EDEM3: variants seen among roughly 807,000 people sequenced by gnomAD.
EDEM3 encodes the protein ER degradation-enhancing alpha-mannosidase-like protein 3.
In EDEM3, 60 loss-of-function variants were observed where a neutral mutation model predicts 110.2. That is an observed-to-expected ratio of 0.54 (90% CI 0.44 to 0.67). EDEM3 has a LOEUF of 0.67. EDEM3 is among the 30% of genes least tolerant of loss of function. The pLI, the probability that EDEM3 is intolerant of heterozygous loss-of-function variation, is 0.00. For missense variants in EDEM3, 996 were observed against 1,121.0 expected (o/e 0.89, Z 1.59); for synonymous variants, 352 against 382.9 (o/e 0.92, Z 0.94).
At chr1:184,729,660 G>A (rs542402421) in intron 6 of EDEM3, among the ~76,000 whole-genome samples, 19 of 152,054 alleles carry the variant, frequency 1.2e-4, no homozygotes, top group African/African-American at 4.6e-4. Context: ...AATTTTCATG[G>A]GCAAAAGCAT....
intron 19 of EDEM3, among the ~76,000 whole-genome samples, chr1:184,698,772 CAG>C (rs566389281): frequency 6.6e-6 from 1 of 151,120 alleles, no homozygotes; most frequent in Non-Finnish European, 1.5e-5. Flanking sequence ...TGTAGAGAAG[CAG>C]AGAGAGAGAC....
intron 13 of EDEM3, among the ~76,000 whole-genome samples, chr1:184,715,564 G>C (rs1371785947): frequency 6.6e-6 from 1 of 152,102 alleles, no homozygotes; most frequent in Non-Finnish European, 1.5e-5. Context: ...TCATTGTCAA[G>C]AGCCAATCTG....
intron 2 of EDEM3, among the ~76,000 whole-genome samples, chr1:184,737,941 T>C (rs1227565500): frequency 6.6e-6 from 1 of 152,010 alleles, no homozygotes; most frequent in African/African-American, 2.4e-5. Flanking sequence ...CTGCTTCCCC[T>C]CCCCTCCCCA....
At position 184,706,808 on chromosome 1, in the gene EDEM3, T is replaced by C. The variant is rs772301942; in HGVS notation, c.2038A>G (p.Thr680Ala). 2.5e-6 allele frequency: 4 copies of C among 1,612,750 alleles called. No individual in the cohort carries two copies. Among genetic ancestry groups the C allele is most frequent in the Non-Finnish European group, 3.4e-6 (4 of 1,179,324 alleles). The change falls in exon 18 of 20, where the codon ACA becomes GCA. Residue 680 changes from threonine to alanine, a missense_variant and splice_region_variant. Physicochemically the swap from Thr to Ala is moderately conservative, Grantham distance 58 (BLOSUM62 0). Around this residue, in one of 5 missense-constraint regions of EDEM3, gnomAD observed 345 missense variants for 402.0 expected, o/e 0.86. Transcript: ENST00000318130. ...TTACTGCTTGCAACAAATCCTCTTG[T>C]CTGTCAGAAATAAAAGCAACTTAAA... ...FGLDLSKHKE[T>A]RGFVASSKPS... is the part of the protein sequence containing the mutation.
Position 184,711,823 on chromosome 1 carries a change from TA to T in EDEM3, c.1590del (p.Asn530LysfsTer20). On this transcript the variant is annotated frameshift_variant, in exon 15 of 20. Transcript: ENST00000318130. LOFTEE classifies it high-confidence loss of function. ...DDSNFDWTCP[N>X]TQILFPNDPL... is the part of the protein sequence containing the mutation. ...GGGTCATTAGGAAAGAGGATCTGAG[TA>T]TTTGGACAAGTCCAATCGAAGTTAC... 6.2e-7 allele frequency: 1 copy of T among 1,613,486 alleles called. No individual in the cohort carries two copies. Among genetic ancestry groups the T allele is most frequent in the Non-Finnish European group, 8.5e-7 (1 of 1,179,590 alleles).
chr1:184,694,374 C>T lies in EDEM3; in HGVS notation c.2488G>A (p.Val830Ile). Reference sequence around the variant, plus strand: ...TTTTCCTCAGAAGACTCTTGATCAACCAAATCAACCTCCTGAGAACTTGAT... The same window carrying T: ...TTTTCCTCAGAAGACTCTTGATCAATCAAATCAACCTCCTGAGAACTTGAT... ...ISSSSQEVDL[V>I]DQESSEENSL... The change falls in exon 20 of 20, where the codon GTT (valine) becomes ATT (isoleucine). Residue 830 changes from valine to isoleucine, a missense_variant. Physicochemically the swap from Val to Ile is conservative, Grantham distance 29. Transcript: ENST00000318130. 6.2e-7 allele frequency: 1 copy of T among 1,612,524 alleles called. No homozygotes were observed. The highest frequency in any genetic ancestry group is 8.5e-7 in the Non-Finnish European group (1 of 1,179,508).
At chr1:184,708,693 C>T (rs2102069207) in intron 16 of EDEM3, among the ~76,000 whole-genome samples, 1 of 152,374 alleles carries the variant, frequency 6.6e-6, no homozygotes, top group East Asian at 1.9e-4. Context: ...CTGACCCACA[C>T]TTTCCCTCCT....
chr1:184,703,124 T>C (rs912089505), intron 18 of EDEM3, 128 bp from the exon 19 acceptor site: 4 of 775,344 alleles, frequency 5.2e-6, no homozygotes, highest in Non-Finnish European at 7.5e-6. Context: ...AAAACCAACA[T>C]AATTTTTGGA....
chr1:184,718,462 C>G (rs902694987), intron 11 of EDEM3, among the ~76,000 whole-genome samples: 1 of 152,110 alleles, frequency 6.6e-6, no homozygotes, highest in Non-Finnish European at 1.5e-5. Flanking sequence ...TAAAACTATA[C>G]TTTCCAAAAC....
rs759333973 is a variant in EDEM3, at chr1:184,726,293, C to A, written c.709G>T (p.Ala237Ser). 1 of 1,613,812 alleles carries A rather than the reference C, an allele frequency of 6.2e-7. No homozygotes were observed. The highest frequency in any genetic ancestry group is 8.5e-7 in the Non-Finnish European group (1 of 1,179,834). The change falls in exon 7 of 20, where the codon GCT becomes TCT. Residue 237 changes from alanine (A) to serine (S), a missense_variant. Coordinates refer to ENST00000318130, the MANE Select transcript of EDEM3 (RefSeq NM_025191.4). ...ACAGTLILEFAALSRFTGATI... is the reference protein window; with the variant it reads ...ACAGTLILEFSALSRFTGATI... ...GCTCCTGTGAATCGACTTAAAGCAG[C>A]AAATTCAAGGATCAAGGTACCTGCA... is the stretch of plus-strand genomic sequence containing the variant.
At position 184,754,623 on chromosome 1, in the gene EDEM3, G is replaced by GC; in HGVS notation, c.23dup (p.Cys9LeufsTer38). On this transcript the variant is annotated frameshift_variant, in exon 1 of 20. Transcript: ENST00000318130. LOFTEE classifies it high-confidence loss of function. ...CTCGCTGGGGAACCGGGGACCCACAGCCCCGGCCGCCGGCTTCGCTCATGG... is the reference window on the plus strand; with the variant it reads ...CTCGCTGGGGAACCGGGGACCCACAGCCCCCGGCCGCCGGCTTCGCTCATGG... 6.3e-7 allele frequency: 1 copy of GC among 1,593,342 alleles called. No homozygotes were observed. Among genetic ancestry groups the GC allele is most frequent in the Admixed American group, 1.8e-5 (1 of 56,740 alleles).
rs1275197223 is a variant in EDEM3 at position 184,694,114 on chromosome 1, G to A, written c.2748C>T (p.Asp916=). The A allele has an allele frequency of 6.2e-7, 1 of 1,613,196 alleles. No homozygotes were observed. Among genetic ancestry groups the A allele is most frequent in the Non-Finnish European group, 8.5e-7 (1 of 1,179,526 alleles). ...KVQPIDSILA[D]WNEDIEAFEM... ...CAAATGCTTCTATATCTTCATTCCA[G>A]TCTGCTAATATGGAGTCTATAGGCT... Residue 916 remains aspartate (D), a synonymous_variant, in exon 20 of 20, where the codon GAC becomes GAT. Coordinates refer to ENST00000318130, the MANE Select transcript of EDEM3 (RefSeq NM_025191.4).
intron 1 of EDEM3, among the ~76,000 whole-genome samples, chr1:184,749,813 T>A (rs1477425684): frequency 1.3e-5 from 2 of 152,162 alleles, no homozygotes; most frequent in Non-Finnish European, 2.9e-5. Flanking sequence ...CTTTAATGAT[T>A]ACTAGTAATT....
intron 13 of EDEM3, among the ~76,000 whole-genome samples, chr1:184,713,845 G>C (rs1202691821): frequency 6.6e-6 from 1 of 152,150 alleles, no homozygotes; most frequent in Non-Finnish European, 1.5e-5. Context: ...TCATGACATT[G>C]GTGTGAAGAC....
At position 184,690,973 on chromosome 1, in the gene EDEM3, C is replaced by G. The variant is rs899501953; in HGVS notation, c.*3090G>C. 3 of 125,874 alleles carry G rather than the reference C, an allele frequency of 2.4e-5. No homozygotes were observed. The highest frequency in any genetic ancestry group is 5.5e-5 in the Non-Finnish European group (3 of 54,544). 7.8% of individuals were successfully genotyped at this position (125,874 alleles called of 1,614,324 possible). A position where few individuals can be genotyped will look rare whatever the true frequency, so the allele number is the denominator to read the frequency against. On this transcript the variant is annotated 3_prime_UTR_variant, in exon 20 of 20. Transcript: ENST00000318130. ...GGTGAGAGAACAAATGTTGGCTTTA[C>G]TATAAAAAAGGTTGTGTGATGGTAA...
Position 184,694,324 on chromosome 1 carries a change from T to A in EDEM3, c.2538A>T (p.Ser846=). The A allele has an allele frequency of 3.7e-6, 6 of 1,613,182 alleles. No individual in the cohort carries two copies. The highest frequency in any genetic ancestry group is 5.1e-6 in the Non-Finnish European group (6 of 1,179,572). The change falls in exon 20 of 20, where the codon TCA becomes TCT. Residue 846 remains serine (S), a synonymous_variant. Transcript: ENST00000318130. ...CATTGTCCATATCTGCTAGAGATAA[T>A]GATTCTGGGTGAGAATTTAGAGAAT... The part of the protein sequence containing the change: ...EENSLNSHPE[S]LSLADMDNAA...
At chr1:184,749,995 T>C (rs912837188) in intron 1 of EDEM3, among the ~76,000 whole-genome samples, 2 of 152,200 alleles carry the variant, frequency 1.3e-5, no homozygotes, top group Non-Finnish European at 2.9e-5. Flanking sequence ...ACCATTATTA[T>C]TGCCATTTAT....
chr1:184,733,454 G>A (rs1316177398), intron 5 of EDEM3, among the ~76,000 whole-genome samples: 1 of 152,092 alleles, frequency 6.6e-6, no homozygotes, highest in East Asian at 1.9e-4. Context: ...TGACAAAGAG[G>A]AGTTACAATA....
chr1:184,701,420 G>T, intron 19 of EDEM3: 1 of 840,688 alleles, frequency 1.2e-6, no homozygotes, highest in Non-Finnish European at 1.6e-6. Context: ...AATTATATAT[G>T]TACTTGAGTG....
Sources: allele counts gnomAD v4.1 joint callset (sites outside exome capture counted in the v4.1 genomes callset), GRCh38; gene constraint gnomAD v4.1.1; regional missense constraint gnomAD v4.1.1; transcripts MANE v1.5; gene names NCBI Gene and HGNC (gene_info 2026-07-23, HGNC 2026-07-21).